PACSIN3: variants seen among roughly 807,000 people sequenced by gnomAD.
PACSIN3 encodes the protein protein kinase C and casein kinase substrate in neurons protein 3.
PACSIN3 carries 34 observed loss-of-function variants against 56.1 expected under a neutral mutation model. The observed-to-expected ratio is 0.61, with a 90% CI of 0.46 to 0.81. The LOEUF (loss-of-function observed/expected upper bound fraction) is 0.81. Among genes scored for constraint, PACSIN3 ranks in the 30% least tolerant of loss-of-function variants. The pLI is 0.00. For synonymous variants in PACSIN3, 218 were observed against 229.8 expected, an observed-to-expected ratio of 0.95 and a Z score of 0.46; for missense variants, 535 against 592.4, an observed-to-expected ratio of 0.90 and a Z score of 1.01.
chr11:47,180,737 A>C, intron 4 of PACSIN3, 47 bp from the exon 5 acceptor site: 2 of 1,480,488 alleles, frequency 1.4e-6, no homozygotes, highest in Non-Finnish European at 1.8e-6. Context: ...ACCACCCAAA[A>C]TGAGCCTAGC....
Position 47,178,590 on chromosome 11 carries a change from TG to T in PACSIN3, c.1038-104del. On this transcript the variant is annotated intron_variant, in intron 9 of 10. Coordinates refer to ENST00000298838, the MANE Select transcript of PACSIN3 (RefSeq NM_016223.5). The surrounding 1 kb of genome is among the most constrained non-coding windows in gnomAD (Gnocchi z 4.2). ...AGGCCTCCCTACCCCCAGAGGCACC[TG>T]GGAGAGTCAGGTGAGGTACTAAAGA... 6 of 1,445,028 alleles carry T rather than the reference TG, an allele frequency of 4.2e-6. No individual in the cohort carries two copies. The highest frequency in any genetic ancestry group is 5.6e-6 in the Non-Finnish European group (6 of 1,073,004). The allele number at this position is 1,445,028 out of a possible 1,614,324, so 89.5% of individuals were successfully genotyped here. A position where few individuals can be genotyped will look rare whatever the true frequency, so the allele number is the denominator to read the frequency against.
Position 47,178,782 on chromosome 11 carries a change from G to C in PACSIN3, c.1037+112C>G, listed in dbSNP as rs974343561. On this transcript the variant is annotated intron_variant, in intron 9 of 10. Transcript: ENST00000298838. This position sits in a 1 kb window ranked among gnomAD's most constrained non-coding sequence, Gnocchi z 4.2. ...CTACTAAGTAGGCCCTCAGGTCCCTGGCACCAATTTTCAACCCATTTCAGG... is the reference window on the plus strand; with the variant it reads ...CTACTAAGTAGGCCCTCAGGTCCCTCGCACCAATTTTCAACCCATTTCAGG... The C allele has an allele frequency of 2.3e-6, 3 of 1,287,774 alleles. No homozygotes were observed. In the East Asian group the frequency reaches 7.4e-5, roughly 32 times the overall value. 79.8% of individuals were successfully genotyped at this position (1,287,774 alleles called of 1,614,324 possible).
intron 1 of PACSIN3, among the ~76,000 whole-genome samples, chr11:47,185,071 C>T (rs1313912911): frequency 6.6e-6 from 1 of 152,256 alleles, no homozygotes; most frequent in Non-Finnish European, 1.5e-5. Context: ...CACCCTGTGC[C>T]TCCTGAGCTC....
chr11:47,182,130 G>A (rs1203640492), intron 4 of PACSIN3, among the ~76,000 whole-genome samples: 2 of 146,502 alleles, frequency 1.4e-5, no homozygotes, highest in Admixed American at 1.4e-4. Context: ...TGGGCAACAA[G>A]TGCAAAACGT....
rs779919469 is a variant in PACSIN3, at chr11:47,180,576, C to T, written c.326G>A (p.Arg109Gln). The change falls in exon 5 of 11, where the codon CGG becomes CAG. Residue 109 changes from arginine to glutamine, a missense_variant. By Grantham distance (43) the Arg-to-Gln change is conservative. Transcript: ENST00000298838. ...REKLQGQDSE[R>Q]VRAWQRGAFH... Reference sequence around the variant, plus strand: ...AGCCCCCCGCTGCCAGGCGCGCACCCGCTCACTGTCCTGCCCTTGCAGCTT... The same window carrying T: ...AGCCCCCCGCTGCCAGGCGCGCACCTGCTCACTGTCCTGCCCTTGCAGCTT... 17 of 1,604,380 alleles carry T rather than the reference C, an allele frequency of 1.1e-5. 1 individual carries two copies. Among genetic ancestry groups the T allele is most frequent in the Middle Eastern group, 3.3e-4 (2 of 6,082 alleles).
In PACSIN3 at chr11:47,179,556, C is replaced by T. The variant is rs1436210392; in HGVS notation, c.634G>A (p.Glu212Lys). Residue 212 changes from glutamate (E) to lysine (K), a missense_variant, in exon 7 of 11, where the codon GAG (glutamate) becomes AAG (lysine). Physicochemically the swap from Glu to Lys is moderately conservative, Grantham distance 56. Coordinates refer to ENST00000298838, the MANE Select transcript of PACSIN3 (RefSeq NM_016223.5). This position sits in a 1 kb window ranked among gnomAD's most constrained non-coding sequence, Gnocchi z 4.4. The part of the protein sequence containing the change: ...TKAQYEQTLA[E>K]LHRYTPRYME... ...TAGCGTGGAGTGTAGCGATGCAGCT[C>T]TGCCAGCGTCTGCTCATACTGAGCT... 3 of 1,613,742 alleles carry T rather than the reference C, an allele frequency of 1.9e-6. No homozygotes were observed. In the Admixed American group the frequency reaches 5.0e-5, roughly 27 times the overall value.
rs1238594443 is a variant in PACSIN3, at chr11:47,182,694, A to C, written c.34T>G (p.Leu12Val). 26 of 1,612,764 alleles carry C rather than the reference A, an allele frequency of 1.6e-5. No individual in the cohort carries two copies. Among genetic ancestry groups the C allele is most frequent in the South Asian group, 7.7e-5 (7 of 90,806 alleles). ...CTCACCTCCCAGAAACTGCCCCCTA[A>C]GGCCTCCCCTCCAGCGTCCTCTTCT... ...APEEDAGGEA[L>V]GGSFWEAGNY... is the part of the protein sequence containing the mutation. The change falls in exon 3 of 11, where the codon TTA becomes GTA. Residue 12 changes from leucine to valine, a missense_variant. Physicochemically the swap from Leu to Val is conservative, Grantham distance 32. Transcript: ENST00000298838.
Position 47,180,262 on chromosome 11 carries a change from GC to G in PACSIN3, c.526del (p.Ala176GlnfsTer119). On this transcript the variant is annotated frameshift_variant, in exon 6 of 11. Transcript: ENST00000298838. LOFTEE classifies it high-confidence loss of function. ...CTGCTCCTGGGAGACGGCGCTGTCT[GC>G]CTTTGCGTGGCTCTCCCTCGTCTGG... ...TAQTRESHAK[A>X]DSAVSQEQLR... 6.2e-7 allele frequency: 1 copy of G among 1,603,684 alleles called. No individual in the cohort carries two copies.
At chr11:47,183,844 G>A (rs1953072971) in intron 1 of PACSIN3, among the ~76,000 whole-genome samples, 1 of 152,116 alleles carries the variant, frequency 6.6e-6, no homozygotes, top group Non-Finnish European at 1.5e-5. Context: ...CAACATGGAG[G>A]AACCTCGTCT....
At chr11:47,181,611 C>A (rs1953026369) in intron 4 of PACSIN3, among the ~76,000 whole-genome samples, 1 of 151,846 alleles carries the variant, frequency 6.6e-6, no homozygotes, top group Non-Finnish European at 1.5e-5. Flanking sequence ...ACCGCTAGAG[C>A]CCAGGGGTTC....
Position 47,177,876 on chromosome 11 carries a change from G to A in PACSIN3, c.*55C>T. The A allele has an allele frequency of 1.4e-6, 2 of 1,381,060 alleles. No individual in the cohort carries two copies. The highest frequency in any genetic ancestry group is 1.8e-4 in the Middle Eastern group (1 of 5,622). The allele number at this position is 1,381,060 out of a possible 1,614,324, so 85.6% of individuals were successfully genotyped here. ...GCCCTGAGGGTCCGGCTCTCCAGGAGAAGCTGGGCTCTGAACCAGGGTGGG... is the reference window on the plus strand; with the variant it reads ...GCCCTGAGGGTCCGGCTCTCCAGGAAAAGCTGGGCTCTGAACCAGGGTGGG... On this transcript the variant is annotated 3_prime_UTR_variant, in exon 11 of 11. Transcript: ENST00000298838.
At chr11:47,183,264 C>G (rs1167916657) in intron 1 of PACSIN3, 195 bp from the exon 2 acceptor site, 1 of 152,604 alleles carries the variant, frequency 6.6e-6, no homozygotes, top group East Asian at 1.9e-4. Flanking sequence ...ACTCCCCCAA[C>G]TGCCGATGAG....
intron 1 of PACSIN3, 48 bp from the exon 2 acceptor site, chr11:47,183,117 A>G: frequency 5.8e-6 from 1 of 172,710 alleles, no homozygotes; most frequent in Non-Finnish European, 1.2e-5. Context: ...TAGAGCGTCC[A>G]GGGCGGTGCC....
In PACSIN3 at chr11:47,179,340, G is replaced by A; in HGVS notation, c.780-61C>T. 4 of 1,613,408 alleles carry A rather than the reference G, an allele frequency of 2.5e-6. No homozygotes were observed. The highest frequency in any genetic ancestry group is 3.4e-6 in the Non-Finnish European group (4 of 1,179,584). On this transcript the variant is annotated intron_variant, in intron 7 of 10. Transcript: ENST00000298838. This position sits in a 1 kb window ranked among gnomAD's most constrained non-coding sequence, Gnocchi z 4.4. ...CTAGACCCTGCATCCCTCAGTCCCAGCCAGGGCCTCGGGGAGATGGAGGAG... is the reference window on the plus strand; with the variant it reads ...CTAGACCCTGCATCCCTCAGTCCCAACCAGGGCCTCGGGGAGATGGAGGAG...
At position 47,177,844 on chromosome 11, in the gene PACSIN3, G is replaced by A. The variant is rs61897849; in HGVS notation, c.*87C>T. 11 of 1,039,230 alleles carry A rather than the reference G, an allele frequency of 1.1e-5. No individual in the cohort carries two copies. The highest frequency in any genetic ancestry group is 1.2e-5 in the Non-Finnish European group (8 of 665,034). The allele number at this position is 1,039,230 out of a possible 1,614,324, so 64.4% of individuals were successfully genotyped here. On this transcript the variant is annotated 3_prime_UTR_variant, in exon 11 of 11. Coordinates refer to ENST00000298838, the MANE Select transcript of PACSIN3 (RefSeq NM_016223.5). ...ACAGAGGAGCAGCCAGAGAGCGACG[G>A]TTCAGGGCCCTGAGGGTCCGGCTCT...
rs376192224 is a variant in PACSIN3 at position 47,179,637 on chromosome 11, G to A, written c.604-51C>T. On this transcript the variant is annotated intron_variant, in intron 6 of 10. Coordinates refer to ENST00000298838, the MANE Select transcript of PACSIN3 (RefSeq NM_016223.5). The surrounding 1 kb of genome is among the most constrained non-coding windows in gnomAD (Gnocchi z 4.4). ...GAGAACCAGACCTTCTTCCACCCAG[G>A]ACTCCACCAGTGTTTACCAGACACT... is the stretch of plus-strand genomic sequence containing the variant. 2.0e-5 allele frequency: 32 copies of A among 1,569,494 alleles called. No homozygotes were observed. Among genetic ancestry groups the A allele is most frequent in the Non-Finnish European group, 2.8e-5 (32 of 1,153,314 alleles).
Position 47,179,730 on chromosome 11 carries a change from C to G in PACSIN3, c.604-144G>C. 1.5e-6 allele frequency: 1 copy of G among 686,532 alleles called. No individual in the cohort carries two copies. The highest frequency in any genetic ancestry group is 2.7e-5 in the East Asian group (1 of 36,832). 42.5% of individuals were successfully genotyped at this position (686,532 alleles called of 1,614,324 possible). A position where few individuals can be genotyped will look rare whatever the true frequency, so the allele number is the denominator to read the frequency against. On this transcript the variant is annotated intron_variant, in intron 6 of 10. Transcript: ENST00000298838. The surrounding 1 kb of genome is among the most constrained non-coding windows in gnomAD (Gnocchi z 4.4). ...AGTCCCAAGACCCAGCTCCTGCCCT[C>G]AAGGACCCCAGCAGCCTAACAAGGG...
chr11:47,181,218 C>T (rs931693417), intron 4 of PACSIN3, among the ~76,000 whole-genome samples: 5 of 151,604 alleles, frequency 3.3e-5, no homozygotes, highest in Admixed American at 6.6e-5. Flanking sequence ...GCTGAGATCA[C>T]GCCGCTGTAC....
chr11:47,178,365 C>T lies in PACSIN3; in HGVS notation c.1159+1G>A, dbSNP rs1952932427. ...AAGCTAGGAAAGGGGTCCCAGGGTA[C>T]CTGCTCGGAAGCTCAGCTCATCAGC... On this transcript the variant is annotated splice_donor_variant, in intron 10 of 10. Transcript: ENST00000298838. LOFTEE classifies it high-confidence loss of function. This position sits in a 1 kb window ranked among gnomAD's most constrained non-coding sequence, Gnocchi z 4.2. The T allele has an allele frequency of 1.9e-6, 3 of 1,613,680 alleles. No individual in the cohort carries two copies. Among genetic ancestry groups the T allele is most frequent in the African/African-American group, 1.3e-5 (1 of 74,940 alleles).
Sources: gnomAD v4.1 joint callset for allele counts (sites outside exome capture counted in the v4.1 genomes callset) on GRCh38, gnomAD v4.1.1 for gene constraint, Gnocchi (gnomAD v3.1) non-coding constraint, MANE v1.5 for transcripts, NCBI Gene and HGNC (gene_info 2026-07-23, HGNC 2026-07-21) for gene names.